SLC1A4: variants seen among roughly 807,000 people sequenced by gnomAD.
SLC1A4 encodes the protein neutral amino acid transporter A.
A neutral mutation model predicts 37.7 loss-of-function variants in SLC1A4; 19 were observed. The observed-to-expected ratio is 0.50, with a 90% CI of 0.35 to 0.74. The LOEUF is 0.74. Among genes scored for constraint, SLC1A4 ranks in the 30% least tolerant of loss-of-function variants. The probability of loss-of-function intolerance (pLI) is 0.01; values close to 1 mark genes in which losing one functional copy is unlikely to be tolerated. For missense variants in SLC1A4, 570 were observed against 712.9 expected (o/e 0.80, Z 2.28); for synonymous variants, 299 against 309.8 (o/e 0.97, Z 0.37).
chr2:65,008,192 T>C (rs1326291247), intron 3 of SLC1A4, among the ~76,000 whole-genome samples: 1 of 152,206 alleles, frequency 6.6e-6, no homozygotes, highest in Non-Finnish European at 1.5e-5. Flanking sequence ...CCCAAGGTCA[T>C]CACCAGTTGT....
At position 65,003,930 on chromosome 2, in the gene SLC1A4, T is replaced by G. The variant is rs62140370; in HGVS notation, c.571-23T>G. On this transcript the variant is annotated intron_variant, in intron 2 of 7. Coordinates refer to ENST00000234256, the MANE Select transcript of SLC1A4 (RefSeq NM_003038.5). ...TCTTCACCTGTGCACTAACAGTGGG[T>G]TTTTTTTTCCTCTTGATCACAGTAT... 51 of 813,184 alleles carry G rather than the reference T, an allele frequency of 6.3e-5. No individual in the cohort carries two copies. In the Middle Eastern group the frequency reaches 1.0e-3, roughly 17 times the overall value. The allele number at this position is 813,184 out of a possible 1,614,324, so 50.4% of individuals were successfully genotyped here.
intron 7 of SLC1A4, among the ~76,000 whole-genome samples, chr2:65,019,396 C>T (rs1045185169): frequency 1.3e-5 from 2 of 152,124 alleles, no homozygotes; most frequent in Non-Finnish European, 2.9e-5. Flanking sequence ...GTAATGTGCA[C>T]TGTGTGTGCT....
rs1674062121 is a variant in SLC1A4 at position 65,014,821 on chromosome 2, C to T, written c.801-1619C>T. On this transcript the variant is annotated intron_variant, in intron 4 of 7. Transcript: ENST00000234256. ...TTGCAGTGTCGTTTGTAACGATAAA[C>T]CTGGGAACAACTTAAACATCCACCA... Among the ~76,000 whole-genome samples the T allele has an allele frequency of 2.6e-5, 4 of 152,148 alleles. No homozygotes were observed. The South Asian group carries it at 8.3e-4, about 32-fold the overall frequency.
At chr2:65,000,819 A>G (rs1410752751) in intron 1 of SLC1A4, 5 of 152,278 alleles carry the variant, frequency 3.3e-5, no homozygotes, top group Non-Finnish European at 7.3e-5. Context: ...TTCATTATAC[A>G]GGACTCTACT....
intron 1 of SLC1A4, chr2:64,999,534 G>A (rs1673388220): frequency 6.6e-6 from 1 of 151,996 alleles, no homozygotes; most frequent in Admixed American, 6.6e-5. Flanking sequence ...AGTCTCTCTG[G>A]GGTCAGGAAT....
chr2:64,990,291 C>T, intron 1 of SLC1A4, 121 bp downstream of exon 1: 2 of 1,001,992 alleles, frequency 2.0e-6, no homozygotes, highest in Non-Finnish European at 2.8e-6. Flanking sequence ...CTGCTGGTGG[C>T]GTTTAACGTT....
intron 4 of SLC1A4, among the ~76,000 whole-genome samples, chr2:65,015,101 C>G (rs1370384316): frequency 3.3e-5 from 5 of 152,146 alleles, no homozygotes; most frequent in Non-Finnish European, 5.9e-5. Context: ...CTGTATGATT[C>G]CACCTTTGTG....
chr2:65,010,853 GC>G, intron 4 of SLC1A4, 90 bp downstream of exon 4: 1 of 1,324,572 alleles, frequency 7.5e-7, no homozygotes, highest in Non-Finnish European at 1.0e-6. Flanking sequence ...CCTGTGTGGG[GC>G]CACCTGGCAC....
At chr2:64,999,161 T>C (rs1422747500) in intron 1 of SLC1A4, among the ~76,000 whole-genome samples, 3 of 152,226 alleles carry the variant, frequency 2.0e-5, no homozygotes, top group Admixed American at 2.0e-4. Context: ...AACTAGCCAA[T>C]ATAAGTTGCT....
chr2:65,007,357 A>G (rs1426445870), intron 3 of SLC1A4, among the ~76,000 whole-genome samples: 3 of 152,042 alleles, frequency 2.0e-5, no homozygotes, highest in African/African-American at 4.8e-5. Context: ...GGGAGGAGCT[A>G]TGGGGAGATG....
In SLC1A4 at chr2:65,018,257, C is replaced by G; in HGVS notation, c.1221C>G (p.Phe407Leu). 1 of 1,613,084 alleles carries G rather than the reference C, an allele frequency of 6.2e-7. No individual in the cohort carries two copies. Among genetic ancestry groups the G allele is most frequent in the Non-Finnish European group, 8.5e-7 (1 of 1,179,208 alleles). Residue 407 changes from phenylalanine (F) to leucine (L), a missense_variant, in exon 6 of 8, where the codon TTC (phenylalanine) becomes TTG (leucine). Transcript: ENST00000234256. This position sits in a 1 kb window ranked among gnomAD's most constrained non-coding sequence, Gnocchi z 4.3. ...NNVELNAGQI[F>L]TILVTATASS... ...TAGAGCTCAACGCAGGACAGATTTTCACCATTCTGTAAGTTCCTCATTCTT... is the reference window on the plus strand; with the variant it reads ...TAGAGCTCAACGCAGGACAGATTTTGACCATTCTGTAAGTTCCTCATTCTT...
intron 4 of SLC1A4, 99 bp from the exon 5 acceptor site, chr2:65,016,341 G>A (rs1674131611): frequency 7.7e-6 from 7 of 912,372 alleles, no homozygotes; most frequent in Admixed American, 5.4e-5. Flanking sequence ...AGATGAAGAC[G>A]GCCTGGCTGA....
intron 5 of SLC1A4, among the ~76,000 whole-genome samples, chr2:65,017,409 G>A (rs900366629): frequency 1.3e-5 from 2 of 151,476 alleles, no homozygotes; most frequent in East Asian, 1.9e-4. Context: ...ACGGCAGCAC[G>A]TCGTTTCATT....
intron 1 of SLC1A4, among the ~76,000 whole-genome samples, chr2:64,996,260 T>A (rs758116382): frequency 2.6e-5 from 4 of 152,242 alleles, no homozygotes; most frequent in Non-Finnish European, 5.9e-5. Context: ...GTGTGATATA[T>A]ACTGATATTT....
At position 65,023,298 on chromosome 2, in the gene SLC1A4, CATATGT is replaced by C. The variant is rs1161932404; in HGVS notation, c.*2157_*2162del. On this transcript the variant is annotated 3_prime_UTR_variant, in exon 8 of 8. Transcript: ENST00000234256. ...TATATATATACACAACACACACACA[CATATGT>C]ATATCTATACACACATGTGTGTTGT... 1.3e-5 allele frequency: 2 copies of C among 148,276 alleles called. No individual in the cohort carries two copies. The highest frequency in any genetic ancestry group is 2.0e-4 in the East Asian group (1 of 5,104). 9.2% of individuals were successfully genotyped at this position (148,276 alleles called of 1,614,324 possible).
At chr2:64,994,041 A>T (rs906345437) in intron 1 of SLC1A4, among the ~76,000 whole-genome samples, 2 of 152,222 alleles carry the variant, frequency 1.3e-5, no homozygotes, top group Non-Finnish European at 2.9e-5. Flanking sequence ...CTTGAAGCTA[A>T]TGTAGTCTCT....
chr2:64,998,281 CGTGGTGGTGCACACCT>C (rs750677395), intron 1 of SLC1A4, among the ~76,000 whole-genome samples: 10 of 150,848 alleles, frequency 6.6e-5, no homozygotes, highest in Non-Finnish European at 1.5e-4. Context: ...ATTAGCCGGG[CGTGGTGGTGCACACCT>C]GTAGTCCCAA....
Position 64,989,885 on chromosome 2 carries a change from T to TG in SLC1A4, c.243dup (p.Leu82AlafsTer115). On this transcript the variant is annotated frameshift_variant, in exon 1 of 8. Coordinates refer to ENST00000234256, the MANE Select transcript of SLC1A4 (RefSeq NM_003038.5). LOFTEE classifies it high-confidence loss of function. ...ACCTACCTGGCCTTCCCCGGCGAGATGCTGCTCCGCATGCTGCGCATGATC... is the reference window on the plus strand; with the variant it reads ...ACCTACCTGGCCTTCCCCGGCGAGATGGCTGCTCCGCATGCTGCGCATGATC... The TG allele has an allele frequency of 1.3e-6, 2 of 1,547,922 alleles. No individual in the cohort carries two copies. Among genetic ancestry groups the TG allele is most frequent in the Non-Finnish European group, 1.7e-6 (2 of 1,150,602 alleles).
chr2:65,017,492 G>T (rs1292275822), intron 5 of SLC1A4, among the ~76,000 whole-genome samples: 1 of 150,578 alleles, frequency 6.6e-6, no homozygotes, highest in Non-Finnish European at 1.5e-5. Flanking sequence ...ACAGAGGTGG[G>T]AGTAAAAAAA....
Sources: gnomAD v4.1 joint callset for allele counts (sites outside exome capture counted in the v4.1 genomes callset) on GRCh38, gnomAD v4.1.1 for gene constraint, Gnocchi (gnomAD v3.1) non-coding constraint, MANE v1.5 for transcripts, NCBI Gene and HGNC (gene_info 2026-07-23, HGNC 2026-07-21) for gene names.